Variants in TCF7 observed in about 807,000 individuals in gnomAD.
The protein encoded by TCF7 is transcription factor 7.
Under a neutral mutation model 46.8 loss-of-function variants are expected in TCF7, and 19 were observed. The observed-to-expected ratio is 0.41, with a 90% confidence interval of 0.28 to 0.60. The LOEUF (loss-of-function observed/expected upper bound fraction) is 0.60, where lower values mean the gene tolerates loss of function less well. Among genes scored for constraint, TCF7 ranks in the 20% least tolerant of loss-of-function variants. TCF7 has a pLI of 0.35. For synonymous variants in TCF7, 245 were observed against 213.4 expected, an observed-to-expected ratio of 1.15 and a Z score of -1.29; for missense variants, 547 against 504.6, an observed-to-expected ratio of 1.08 and a Z score of -0.81.
At chr5:134,110,517 A>G (rs1367333331), upstream of TCF7, among the ~76,000 whole-genome samples, 1 of 152,204 alleles carries the variant, frequency 6.6e-6, no homozygotes, top group East Asian at 1.9e-4. Context: ...GTGAAACTAC[A>G]CAGAGTTTCC....
At chr5:134,143,124 A>AG in intron 8 of TCF7, 24 bp downstream of exon 8, 1 of 1,574,700 alleles carries the variant, frequency 6.4e-7, no homozygotes, top group South Asian at 1.2e-5. Context: ...GACACACAGC[A>AG]GGGGTGGGCA....
intron 3 of TCF7, among the ~76,000 whole-genome samples, chr5:134,130,373 C>T (rs946357732): frequency 2.2e-4 from 34 of 152,294 alleles, no homozygotes; most frequent in South Asian, 4.1e-4. Context: ...TAGACACAGA[C>T]GCCTAGGGAG....
At chr5:134,144,310 T>C (rs1168154495) in intron 9 of TCF7, 5 of 168,184 alleles carry the variant, frequency 3.0e-5, no homozygotes, top group Non-Finnish European at 6.4e-5. Flanking sequence ...AATAGGCCCT[T>C]CCTTCCATCT....
intron 3 of TCF7, among the ~76,000 whole-genome samples, chr5:134,135,214 C>T (rs1758691987): frequency 6.6e-6 from 1 of 152,224 alleles, no homozygotes; most frequent in Non-Finnish European, 1.5e-5. Context: ...CCTCCCTCAG[C>T]CTCCCAAAGT....
Position 134,114,807 on chromosome 5 carries a change from G to T in TCF7, c.-100G>T, listed in dbSNP as rs1350810689. The T allele has an allele frequency of 1.0e-6, 1 of 972,374 alleles. No individual in the cohort carries two copies. The allele number at this position is 972,374 out of a possible 1,614,324, so 60.2% of individuals were successfully genotyped here. A position where few individuals can be genotyped will look rare whatever the true frequency, so the allele number is the denominator to read the frequency against. ...CCGCGCTCCGCCCGCCGCGATCCGA[G>T]CTCGGAGGTTCGGACTCCGGGCTCG... On this transcript the variant is annotated 5_prime_UTR_variant, in exon 1 of 10. Transcript: ENST00000342854.
intron 3 of TCF7, among the ~76,000 whole-genome samples, chr5:134,136,762 C>T (rs980889568): frequency 2.6e-5 from 4 of 152,172 alleles, no homozygotes; most frequent in African/African-American, 7.2e-5. Flanking sequence ...GCCTGAAGCT[C>T]TTAAGGAGTC....
chr5:134,140,052 A>T (rs1423189093), intron 5 of TCF7, among the ~76,000 whole-genome samples: 1 of 152,170 alleles, frequency 6.6e-6, no homozygotes, highest in African/African-American at 2.4e-5. Context: ...AAGAGAGTTG[A>T]GCCTACAGCA....
intron 3 of TCF7, among the ~76,000 whole-genome samples, chr5:134,132,910 G>A (rs73790170): frequency 0.047 from 7,171 of 152,284 alleles, 490 homozygotes; most frequent in African/African-American, 0.15. Context: ...AGGAGCACCC[G>A]AATGAGGAAT....
chr5:134,127,823 C>T (rs376854357), intron 3 of TCF7, among the ~76,000 whole-genome samples: 2 of 152,244 alleles, frequency 1.3e-5, no homozygotes, highest in African/African-American at 4.8e-5. Context: ...CAAGGGCTGG[C>T]GGCCCCAACC....
chr5:134,145,759 A>G (rs764614658), intron 9 of TCF7: 15 of 1,613,820 alleles, frequency 9.3e-6, no homozygotes, highest in Admixed American at 3.3e-5. Flanking sequence ...TGGCCCAGAG[A>G]ACTCAAGGAT....
intron 9 of TCF7, chr5:134,145,649 G>T: frequency 7.4e-7 from 1 of 1,344,328 alleles, no homozygotes; most frequent in Non-Finnish European, 1.0e-6. Context: ...GGGCAAGGAG[G>T]AGTTTGGGGT....
At chr5:134,112,010 T>A (rs976929911), upstream of TCF7, among the ~76,000 whole-genome samples, 1 of 152,198 alleles carries the variant, frequency 6.6e-6, no homozygotes, top group African/African-American at 2.4e-5. Flanking sequence ...TGGCACATAG[T>A]AATCACTCAG....
chr5:134,124,968 C>T (rs1469903321), intron 3 of TCF7, among the ~76,000 whole-genome samples: 1 of 152,230 alleles, frequency 6.6e-6, no homozygotes, highest in African/African-American at 2.4e-5. Flanking sequence ...CCATCCCTCC[C>T]CCTGCTGTGT....
rs552310169 is a variant in TCF7, at chr5:134,148,079, C to G, written c.*1776C>G. 1 of 151,556 alleles carries G rather than the reference C, an allele frequency of 6.6e-6. No individual in the cohort carries two copies. Among genetic ancestry groups the G allele is most frequent in the African/African-American group, 2.4e-5 (1 of 41,104 alleles). The allele number at this position is 151,556 out of a possible 1,614,324, so 9.4% of individuals were successfully genotyped here. A position where few individuals can be genotyped will look rare whatever the true frequency, so the allele number is the denominator to read the frequency against. ...CACTGGTTTCTCAGAATCCAAAGATCACATATTCTAGTGTAACACTGCAAG... is the reference window on the plus strand; with the variant it reads ...CACTGGTTTCTCAGAATCCAAAGATGACATATTCTAGTGTAACACTGCAAG... On this transcript the variant is annotated 3_prime_UTR_variant, in exon 10 of 10. Coordinates refer to ENST00000342854, the MANE Select transcript of TCF7 (RefSeq NM_003202.5).
At chr5:134,137,010 G>C (rs1425929676) in intron 3 of TCF7, among the ~76,000 whole-genome samples, 3 of 152,266 alleles carry the variant, frequency 2.0e-5, no homozygotes, top group Non-Finnish European at 4.4e-5. Flanking sequence ...TGTGCACTGA[G>C]GATACTGTAG....
chr5:134,136,932 G>A (rs557929347), intron 3 of TCF7, among the ~76,000 whole-genome samples: 57 of 152,276 alleles, frequency 3.7e-4, no homozygotes, highest in African/African-American at 1.3e-3. Context: ...CCTTGCAAAC[G>A]GGCTTTTCAA....
At chr5:134,116,144 G>A in intron 3 of TCF7, 111 bp downstream of exon 3, 1 of 1,456,470 alleles carries the variant, frequency 6.9e-7, no homozygotes, top group Non-Finnish European at 9.1e-7. Flanking sequence ...AGACTCCTGT[G>A]CTGGTCTTTT....
intron 6 of TCF7, among the ~76,000 whole-genome samples, 171 bp from the exon 7 acceptor site, chr5:134,142,550 A>G (rs952164063): frequency 6.6e-6 from 1 of 152,160 alleles, no homozygotes; most frequent in Non-Finnish European, 1.5e-5. Context: ...TCCTATAAGG[A>G]ACAGTTACTT....
chr5:134,126,198 G>C (rs531559763), intron 3 of TCF7, among the ~76,000 whole-genome samples: 1 of 152,368 alleles, frequency 6.6e-6, no homozygotes, highest in East Asian at 1.9e-4. Flanking sequence ...TGAGGTCTCT[G>C]CTGGCTGGGT....
Sources: gnomAD v4.1 joint callset for allele counts (sites outside exome capture counted in the v4.1 genomes callset) on GRCh38, gnomAD v4.1.1 for gene constraint, MANE v1.5 for transcripts, NCBI Gene and HGNC (gene_info 2026-07-23, HGNC 2026-07-21) for gene names.